The following TCERG1L variants were observed in gnomAD, a reference collection of about 807,000 sequenced individuals.
TCERG1L encodes the protein transcription elongation regulator 1 like.
A neutral mutation model predicts 56.3 loss-of-function variants in TCERG1L; 37 were observed. That is an observed-to-expected ratio of 0.66 (90% confidence interval 0.51 to 0.87). The LOEUF is 0.87. TCERG1L is among the 40% of genes least tolerant of loss of function. TCERG1L has a pLI of 0.00. For synonymous variants in TCERG1L, 324 were observed against 326.3 expected, an observed-to-expected ratio of 0.99 and a Z score of 0.08; for missense variants, 799 against 774.2, an observed-to-expected ratio of 1.03 and a Z score of -0.38.
chr10:131,215,926 C>T (rs975984180), intron 4 of TCERG1L, among the ~76,000 whole-genome samples: 7 of 152,124 alleles, frequency 4.6e-5, no homozygotes, highest in African/African-American at 1.7e-4. Context: ...TGCAGAAGCT[C>T]GAGTCTGAAG....
At chr10:131,130,981 G>A (rs2133401511) in intron 8 of TCERG1L, among the ~76,000 whole-genome samples, 1 of 152,244 alleles carries the variant, frequency 6.6e-6, no homozygotes, top group Non-Finnish European at 1.5e-5. Flanking sequence ...CTGAAAACAT[G>A]CCCACCTTCT....
chr10:131,260,095 C>T lies in TCERG1L; in HGVS notation c.856+164G>A, dbSNP rs1215311605. 6.6e-6 allele frequency among the ~76,000 whole-genome samples: 1 copy of T among 152,220 alleles called. No individual in the cohort carries two copies. The highest frequency in any genetic ancestry group is 2.4e-5 in the African/African-American group (1 of 41,462). ...TGGAGTCGGGTCGATTTGCAGGGTC[C>T]GAAGTCAAGCAAAGCCCAAACGGCC... On this transcript the variant is annotated intron_variant, in intron 4 of 11. Transcript: ENST00000368642. This position sits in a 1 kb window ranked among gnomAD's most constrained non-coding sequence, Gnocchi z 5.8.
chr10:131,251,283 C>T (rs1223882971), intron 4 of TCERG1L, among the ~76,000 whole-genome samples: 7 of 152,154 alleles, frequency 4.6e-5, no homozygotes, highest in Non-Finnish European at 8.8e-5. Context: ...TGCTGGGAGC[C>T]AGTCCTGACT....
intron 4 of TCERG1L, among the ~76,000 whole-genome samples, chr10:131,229,496 C>A (rs917979304): frequency 6.6e-6 from 1 of 152,218 alleles, no homozygotes; most frequent in African/African-American, 2.4e-5. Context: ...TGGCAACAGG[C>A]TGCTCAGCAC....
chr10:131,179,756 C>T (rs2133451037), intron 4 of TCERG1L, among the ~76,000 whole-genome samples: 1 of 152,318 alleles, frequency 6.6e-6, no homozygotes, highest in South Asian at 2.1e-4. Context: ...ATGACAGAAG[C>T]AGCTGCATGC....
At chr10:131,270,809 G>A (rs576314158) in intron 3 of TCERG1L, among the ~76,000 whole-genome samples, 2 of 152,254 alleles carry the variant, frequency 1.3e-5, no homozygotes, top group African/African-American at 2.4e-5. Context: ...GAGGTTTGTC[G>A]AACCTGCACA....
chr10:131,276,480 T>C (rs186924947), intron 3 of TCERG1L, among the ~76,000 whole-genome samples: 16 of 152,320 alleles, frequency 1.1e-4, no homozygotes, highest in African/African-American at 3.9e-4. Flanking sequence ...TTCATTATGT[T>C]CAACACACAC....
chr10:131,221,310 G>A (rs570659346), intron 4 of TCERG1L, among the ~76,000 whole-genome samples: 22 of 152,330 alleles, frequency 1.4e-4, no homozygotes, highest in African/African-American at 5.0e-4. Flanking sequence ...TGGAGTGGGA[G>A]AGACTCAATT....
chr10:131,197,687 G>C (rs549528605), intron 4 of TCERG1L, among the ~76,000 whole-genome samples: 3 of 152,282 alleles, frequency 2.0e-5, no homozygotes, highest in African/African-American at 7.2e-5. Context: ...CATGCAGATA[G>C]CAGGACACAC....
At chr10:131,279,406 G>A (rs1846428901) in intron 3 of TCERG1L, among the ~76,000 whole-genome samples, 1 of 152,154 alleles carries the variant, frequency 6.6e-6, no homozygotes, top group Non-Finnish European at 1.5e-5. Flanking sequence ...TGACTGTTTA[G>A]GACAGTGGAT....
chr10:131,097,019 G>A (rs1164365884), intron 11 of TCERG1L, among the ~76,000 whole-genome samples: 5 of 151,870 alleles, frequency 3.3e-5, no homozygotes, highest in Non-Finnish European at 7.4e-5. Context: ...GGTCAACATG[G>A]TGAAACCCCA....
At position 131,260,145 on chromosome 10, in the gene TCERG1L, G is replaced by T. The variant is rs1846219789; in HGVS notation, c.856+114C>A. 8.1e-7 allele frequency: 1 copy of T among 1,236,630 alleles called. No homozygotes were observed. Among genetic ancestry groups the T allele is most frequent in the Admixed American group, 4.2e-5 (1 of 23,762 alleles). 76.6% of individuals were successfully genotyped at this position (1,236,630 alleles called of 1,614,324 possible). On this transcript the variant is annotated intron_variant, in intron 4 of 11. Transcript: ENST00000368642. This position sits in a 1 kb window ranked among gnomAD's most constrained non-coding sequence, Gnocchi z 5.8. ...CCCAGCCGAATGTTTCCCTCAACCG[G>T]AGCCGGGCTTCAGGTCCCACAGCGC...
intron 4 of TCERG1L, among the ~76,000 whole-genome samples, chr10:131,255,203 A>G (rs1846154355): frequency 6.6e-6 from 1 of 152,220 alleles, no homozygotes; most frequent in Admixed American, 6.5e-5. Context: ...CAGAGGGGAC[A>G]AGGTGTTATA....
At chr10:131,159,296 C>T (rs1845953703) in intron 6 of TCERG1L, among the ~76,000 whole-genome samples, 2 of 152,132 alleles carry the variant, frequency 1.3e-5, no homozygotes, top group South Asian at 4.1e-4. Flanking sequence ...AGATGAAGAC[C>T]AAGGAGGTCG....
intron 4 of TCERG1L, among the ~76,000 whole-genome samples, chr10:131,226,819 G>C (rs1243156463): frequency 1.3e-5 from 2 of 152,388 alleles, no homozygotes; most frequent in East Asian, 3.9e-4. Context: ...CAGACGGACA[G>C]ATAAAGTGCT....
chr10:131,135,916 G>A (rs937721655), intron 7 of TCERG1L, among the ~76,000 whole-genome samples: 1 of 152,250 alleles, frequency 6.6e-6, no homozygotes, highest in Non-Finnish European at 1.5e-5. Context: ...CACAGCCCGG[G>A]CGGAGCTTCC....
intron 6 of TCERG1L, 87 bp from the exon 7 acceptor site, chr10:131,146,747 C>CGG: frequency 7.0e-7 from 1 of 1,421,370 alleles, no homozygotes; most frequent in South Asian, 1.6e-5. Context: ...GAAAAAGCCC[C>CGG]TCAGGACCGA....
chr10:131,121,935 G>A (rs978546440), intron 8 of TCERG1L, among the ~76,000 whole-genome samples: 1 of 152,204 alleles, frequency 6.6e-6, no homozygotes, highest in Non-Finnish European at 1.5e-5. Flanking sequence ...AGGGGTCCCC[G>A]CTGACAGACA....
In TCERG1L at chr10:131,168,958, G is replaced by T. The variant is rs1332047911; in HGVS notation, c.857-2073C>A. On this transcript the variant is annotated intron_variant, in intron 4 of 11. Coordinates refer to ENST00000368642, the MANE Select transcript of TCERG1L (RefSeq NM_174937.4). ...TATTTCAAGGTTGGCCTTGGGGAAG[G>T]GACTATCGGCTTTTCACTGAACCAG... 2.0e-5 allele frequency among the ~76,000 whole-genome samples: 3 copies of T among 152,192 alleles called. No homozygotes were observed. In the East Asian group the frequency reaches 5.8e-4, roughly 29 times the overall value.
Sources: allele counts gnomAD v4.1 joint callset (sites outside exome capture counted in the v4.1 genomes callset), GRCh38; gene constraint gnomAD v4.1.1; non-coding constraint Gnocchi (gnomAD v3.1); transcripts MANE v1.5; gene names NCBI Gene and HGNC (gene_info 2026-07-23, HGNC 2026-07-21).